The following PPME1 variants were observed in gnomAD, a reference collection of about 807,000 sequenced individuals.
PPME1 encodes the protein testicular secretory protein Li 39.
Under a neutral mutation model 56.9 loss-of-function variants are expected in PPME1, and 17 were observed. The observed-to-expected ratio is 0.30, with a 90% CI of 0.20 to 0.45. PPME1 has a LOEUF of 0.45. PPME1 is among the 20% of genes least tolerant of loss of function. PPME1 has a pLI of 1.00. For missense variants in PPME1, 357 were observed against 483.2 expected (o/e 0.74, Z 2.45); for synonymous variants, 122 against 156.2 (o/e 0.78, Z 1.63).
At chr11:74,211,301 A>C (rs896935986) in intron 3 of PPME1, among the ~76,000 whole-genome samples, 3 of 152,218 alleles carry the variant, frequency 2.0e-5, no homozygotes, top group Admixed American at 6.5e-5. Context: ...AAATTCACAC[A>C]GAATAATAAA....
chr11:74,190,017 T>G (rs568777590), intron 1 of PPME1, among the ~76,000 whole-genome samples: 1 of 152,356 alleles, frequency 6.6e-6, no homozygotes, highest in South Asian at 2.1e-4. Flanking sequence ...AATCTGAAAC[T>G]TTTTGAGTGC....
At chr11:74,191,223 C>CA (rs2135603110) in intron 1 of PPME1, among the ~76,000 whole-genome samples, 1 of 152,204 alleles carries the variant, frequency 6.6e-6, no homozygotes, top group Admixed American at 6.5e-5. Flanking sequence ...GCCAGTAGTC[C>CA]CAGCTAGTCC....
At chr11:74,183,572 ATTTC>A (rs1453268502) in intron 1 of PPME1, among the ~76,000 whole-genome samples, 2 of 152,126 alleles carry the variant, frequency 1.3e-5, no homozygotes, top group Non-Finnish European at 2.9e-5. Flanking sequence ...TAAAAGAGCT[ATTTC>A]TTCTATAGAA....
chr11:74,218,658 G>A (rs1858718363), intron 3 of PPME1, among the ~76,000 whole-genome samples: 1 of 152,126 alleles, frequency 6.6e-6, no homozygotes, highest in Non-Finnish European at 1.5e-5. Flanking sequence ...GGCAAGGACA[G>A]TTTCTTCAAT....
chr11:74,229,878 A>G (rs1591056259), intron 5 of PPME1, among the ~76,000 whole-genome samples: 1 of 152,312 alleles, frequency 6.6e-6, no homozygotes, highest in Middle Eastern at 3.4e-3. Flanking sequence ...TGTTTTATAG[A>G]TGGGAAAATT....
intron 1 of PPME1, among the ~76,000 whole-genome samples, chr11:74,203,002 T>G (rs1858213266): frequency 6.6e-6 from 1 of 152,178 alleles, no homozygotes. Flanking sequence ...ATAAAGATTT[T>G]TATTAATATA....
At chr11:74,184,455 G>C (rs1211474872) in intron 1 of PPME1, among the ~76,000 whole-genome samples, 1 of 152,156 alleles carries the variant, frequency 6.6e-6, no homozygotes, top group Non-Finnish European at 1.5e-5. Context: ...TTTTAAGTTG[G>C]AAAATCTCTA....
At chr11:74,179,486 C>A (rs559305176) in intron 1 of PPME1, among the ~76,000 whole-genome samples, 1 of 152,286 alleles carries the variant, frequency 6.6e-6, no homozygotes, top group Non-Finnish European at 1.5e-5. Flanking sequence ...CAGAATGAGA[C>A]CCTATCTCTA....
intron 3 of PPME1, among the ~76,000 whole-genome samples, 193 bp from the exon 4 acceptor site, chr11:74,222,119 G>A (rs1858815369): frequency 6.6e-6 from 1 of 151,982 alleles, no homozygotes; most frequent in South Asian, 2.1e-4. Flanking sequence ...TTTGAAGTTG[G>A]GACAGAACCA....
intron 5 of PPME1, among the ~76,000 whole-genome samples, chr11:74,228,921 G>T (rs116960302): frequency 1.3e-5 from 2 of 152,056 alleles, no homozygotes; most frequent in Non-Finnish European, 2.9e-5. Flanking sequence ...TGGACTTTTC[G>T]TCTTAACTAT....
intron 3 of PPME1, chr11:74,205,056 C>G (rs911495279): frequency 1.3e-5 from 2 of 152,282 alleles, no homozygotes; most frequent in African/African-American, 4.8e-5. Context: ...ACTAGCCTAA[C>G]TCTTCATTTT....
intron 1 of PPME1, among the ~76,000 whole-genome samples, chr11:74,176,667 T>G (rs912403032): frequency 6.6e-6 from 1 of 151,936 alleles, no homozygotes; most frequent in African/African-American, 2.4e-5. Flanking sequence ...GCTTTTCCTT[T>G]TTTTGGGTTA....
intron 5 of PPME1, among the ~76,000 whole-genome samples, chr11:74,229,164 A>C (rs182572594): frequency 6.6e-6 from 1 of 152,282 alleles, no homozygotes; most frequent in East Asian, 1.9e-4. Context: ...TTGCCATTAT[A>C]AATACTGTAG....
intron 1 of PPME1, among the ~76,000 whole-genome samples, chr11:74,199,691 A>G (rs1218581641): frequency 6.6e-6 from 1 of 152,212 alleles, no homozygotes; most frequent in Non-Finnish European, 1.5e-5. Context: ...TACGCTACTG[A>G]TAAAGACATA....
At chr11:74,253,400 C>T (rs368612532) in intron 13 of PPME1, 92 bp from the exon 14 acceptor site, 2 of 1,340,706 alleles carry the variant, frequency 1.5e-6, no homozygotes, top group Non-Finnish European at 2.1e-6. Context: ...CCTTGGTGGT[C>T]ATTAGGGAGG....
At chr11:74,236,071 G>T in intron 8 of PPME1, 105 bp downstream of exon 8, 1 of 1,476,938 alleles carries the variant, frequency 6.8e-7, no homozygotes, top group South Asian at 1.4e-5. Context: ...TCCGGTAAAT[G>T]CCTTTATTAT....
chr11:74,212,548 T>A (rs1436152986), intron 3 of PPME1, among the ~76,000 whole-genome samples: 3 of 151,964 alleles, frequency 2.0e-5, no homozygotes, highest in African/African-American at 7.3e-5. Flanking sequence ...ACGCCACCTC[T>A]CCCCCAACCT....
At chr11:74,235,626 A>C in intron 7 of PPME1, 1 of 370,060 alleles carries the variant, frequency 2.7e-6, no homozygotes, top group Non-Finnish European at 5.0e-6. Context: ...TTTTCTCCCT[A>C]CCGAATTATG....
chr11:74,201,068 C>T lies in PPME1; in HGVS notation c.102-2660C>T, dbSNP rs578075788. 9.4e-3 allele frequency among the ~76,000 whole-genome samples: 1,434 copies of T among 151,994 alleles called. 17 individuals carry two copies. The highest frequency in any genetic ancestry group is 0.015 in the Non-Finnish European group (1,004 of 67,958). On this transcript the variant is annotated intron_variant, in intron 1 of 13. Transcript: ENST00000328257. The stretch of plus-strand genomic sequence containing the variant: ...TCGGCTCACTGCAAGCTCCGCCTCC[C>T]GGGTTCATGCCATTCTCCTGCCTCA...
Sources: allele counts gnomAD v4.1 joint callset (sites outside exome capture counted in the v4.1 genomes callset), GRCh38; gene constraint gnomAD v4.1.1; transcripts MANE v1.5; gene names NCBI Gene and HGNC (gene_info 2026-07-23, HGNC 2026-07-21).